Variants in CNTN5 observed in about 807,000 individuals in gnomAD.
CNTN5 encodes the protein contactin 5.
Under a neutral mutation model 129.1 loss-of-function variants are expected in CNTN5, and 77 were observed. That is an observed-to-expected ratio of 0.60 (90% confidence interval 0.50 to 0.72). The LOEUF (loss-of-function observed/expected upper bound fraction) is 0.72, where lower values mean the gene tolerates loss of function less well. CNTN5 is among the 30% of genes least tolerant of loss of function. The pLI is 0.00. For missense variants in CNTN5, 1,478 were observed against 1,328.8 expected, an observed-to-expected ratio of 1.11 and a Z score of -1.75; for synonymous variants, 509 against 465.6, an observed-to-expected ratio of 1.09 and a Z score of -1.20.
chr11:99,345,880 T>G (rs1174116011), intron 2 of CNTN5, among the ~76,000 whole-genome samples: 1 of 152,118 alleles, frequency 6.6e-6, no homozygotes, highest in Non-Finnish European at 1.5e-5. Flanking sequence ...AAGGTAAGAG[T>G]AAGTAGAAAA....
chr11:100,057,532 T>C (rs1456663390), intron 9 of CNTN5, among the ~76,000 whole-genome samples: 1 of 151,904 alleles, frequency 6.6e-6, no homozygotes, highest in Admixed American at 6.6e-5. Context: ...CATAAGCATT[T>C]ATTAACAATA....
At chr11:100,160,880 A>G (rs1251506421) in intron 13 of CNTN5, among the ~76,000 whole-genome samples, 1 of 151,876 alleles carries the variant, frequency 6.6e-6, no homozygotes, top group African/African-American at 2.4e-5. Flanking sequence ...TGTAACTAAG[A>G]TACAAAGTAG....
intron 3 of CNTN5, among the ~76,000 whole-genome samples, chr11:99,632,915 A>C (rs1951416797): frequency 1.3e-5 from 2 of 152,118 alleles, no homozygotes; most frequent in African/African-American, 4.8e-5. Context: ...AAAAATAGTC[A>C]TCTTTGAGTT....
rs186875734 is a variant in CNTN5, at chr11:99,940,216, G to T, written c.674-16590G>T. Among the ~76,000 whole-genome samples the T allele has an allele frequency of 5.3e-5, 8 of 152,232 alleles. 1 individual carries two copies. The highest frequency in any genetic ancestry group is 1.9e-4 in the African/African-American group (8 of 41,544). On this transcript the variant is annotated intron_variant, in intron 7 of 24. Transcript: ENST00000524871. ...CCAATGTCAAGGGTGCTGAGATTGAGAAAACTTGATCTAGATCATATGGAG... is the reference window on the plus strand; with the variant it reads ...CCAATGTCAAGGGTGCTGAGATTGATAAAACTTGATCTAGATCATATGGAG...
intron 4 of CNTN5, among the ~76,000 whole-genome samples, chr11:99,835,923 G>C (rs763765814): frequency 6.6e-6 from 1 of 152,100 alleles, no homozygotes; most frequent in South Asian, 2.1e-4. Flanking sequence ...TCCGGATACA[G>C]ACCCCAAGAG....
intron 3 of CNTN5, among the ~76,000 whole-genome samples, chr11:99,752,026 A>T (rs1944253163): frequency 6.8e-6 from 1 of 146,878 alleles, no homozygotes; most frequent in African/African-American, 2.5e-5. Flanking sequence ...ATCCACTGGT[A>T]CCTTGATTTT....
chr11:100,070,746 G>A (rs1358164317), intron 11 of CNTN5, among the ~76,000 whole-genome samples, 186 bp downstream of exon 11: 1 of 152,052 alleles, frequency 6.6e-6, no homozygotes, highest in African/African-American at 2.4e-5. Flanking sequence ...CTGGGATATA[G>A]TAGTCATATA....
chr11:99,483,115 G>T (rs1945667025), intron 2 of CNTN5, among the ~76,000 whole-genome samples: 1 of 132,196 alleles, frequency 7.6e-6, no homozygotes, highest in Non-Finnish European at 1.5e-5. Context: ...GGTGGAGCTT[G>T]CAGTGAGCCG....
chr11:99,694,166 C>T (rs2134810387), intron 3 of CNTN5, among the ~76,000 whole-genome samples: 2 of 152,202 alleles, frequency 1.3e-5, no homozygotes, highest in South Asian at 4.1e-4. Context: ...CACAATACGG[C>T]TCTGAAGCCA....
chr11:100,089,283 GCA>G (rs1461709424), intron 13 of CNTN5, among the ~76,000 whole-genome samples: 1 of 151,922 alleles, frequency 6.6e-6, no homozygotes, highest in Non-Finnish European at 1.5e-5. Flanking sequence ...TTCTGTACAT[GCA>G]GCCAACAAAC....
intron 3 of CNTN5, among the ~76,000 whole-genome samples, chr11:99,675,589 G>A (rs1953242696): frequency 1.3e-5 from 2 of 152,132 alleles, no homozygotes; most frequent in African/African-American, 4.8e-5. Flanking sequence ...GGAGGCTGAG[G>A]TAGGAGAGTT....
intron 8 of CNTN5, among the ~76,000 whole-genome samples, chr11:99,961,765 C>G (rs1814140250): frequency 6.6e-6 from 1 of 152,124 alleles, no homozygotes; most frequent in Admixed American, 6.5e-5. Flanking sequence ...CAGTGGCACT[C>G]TAGTGCAAAA....
At chr11:99,150,140 C>A (rs761885124) in intron 1 of CNTN5, among the ~76,000 whole-genome samples, 6 of 151,978 alleles carry the variant, frequency 3.9e-5, no homozygotes, top group Non-Finnish European at 8.8e-5. Flanking sequence ...CCTTTGGTGA[C>A]AATTTACATG....
intron 2 of CNTN5, among the ~76,000 whole-genome samples, chr11:99,433,409 G>GTGTGTGTT (rs1565578718): frequency 1.4e-5 from 2 of 147,892 alleles, no homozygotes; most frequent in African/African-American, 5.0e-5. Context: ...GTGTCTTTGT[G>GTGTGTGTT]TGTGTGTGTG....
chr11:99,576,475 T>C (rs1398032598), intron 3 of CNTN5, among the ~76,000 whole-genome samples: 3 of 152,224 alleles, frequency 2.0e-5, no homozygotes, highest in Non-Finnish European at 4.4e-5. Flanking sequence ...CATTGATGTT[T>C]TTCTTTCAGT....
intron 13 of CNTN5, among the ~76,000 whole-genome samples, chr11:100,106,198 C>T (rs1346314310): frequency 6.6e-6 from 1 of 152,156 alleles, no homozygotes; most frequent in Non-Finnish European, 1.5e-5. Context: ...ATAGACCACA[C>T]CTGGAATGGC....
Position 99,276,100 on chromosome 11 carries a change from A to G in CNTN5, c.-209-49246A>G, listed in dbSNP as rs575194136. 2.0e-5 allele frequency among the ~76,000 whole-genome samples: 3 copies of G among 151,764 alleles called. No homozygotes were observed. The East Asian group carries it at 5.8e-4, about 30-fold the overall frequency. ...AAAAACTGCTCTCACAAGTTCTTCAATATTCCCCTGATTTAACTTTTCTCA... is the reference window on the plus strand; with the variant it reads ...AAAAACTGCTCTCACAAGTTCTTCAGTATTCCCCTGATTTAACTTTTCTCA... On this transcript the variant is annotated intron_variant, in intron 1 of 24. Transcript: ENST00000524871.
intron 3 of CNTN5, among the ~76,000 whole-genome samples, chr11:99,578,053 C>A (rs1242025968): frequency 1.3e-5 from 2 of 148,378 alleles, no homozygotes; most frequent in Non-Finnish European, 3.0e-5. Context: ...TGTTCAATTC[C>A]CATCTATGAG....
At chr11:99,269,404 T>TA (rs1863067112) in intron 1 of CNTN5, among the ~76,000 whole-genome samples, 1 of 151,886 alleles carries the variant, frequency 6.6e-6, no homozygotes, top group Admixed American at 6.6e-5. Context: ...AAAGATTGTT[T>TA]AAAAAATAAT....
Sources: allele counts gnomAD v4.1 joint callset (sites outside exome capture counted in the v4.1 genomes callset), GRCh38; gene constraint gnomAD v4.1.1; transcripts MANE v1.5; gene names NCBI Gene and HGNC (gene_info 2026-07-23, HGNC 2026-07-21).